The following TMEM164 variants were observed in gnomAD, a reference collection of about 807,000 sequenced individuals.
TMEM164 encodes transmembrane protein 164, also known as RP13-360B22.2.
In TMEM164, 4 loss-of-function variants were observed where a neutral mutation model predicts 18.8. The observed-to-expected ratio is 0.21, with a 90% CI of 0.10 to 0.49. The LOEUF (loss-of-function observed/expected upper bound fraction) is 0.49. Ranked by LOEUF, TMEM164 falls within the 20% of genes least tolerant of loss-of-function variation. TMEM164 has a pLI of 0.98. For synonymous variants in TMEM164, 86 were observed against 101.7 expected (o/e 0.85, Z 0.93); for missense variants, 108 against 239.9 (o/e 0.45, Z 3.63).
chrX:110,115,347 C>T (rs905952971), intron 4 of TMEM164, among the ~76,000 whole-genome samples: 5 of 111,944 alleles, frequency 4.5e-5, no homozygotes, highest in Non-Finnish European at 9.4e-5. Flanking sequence ...GTTCTTAAAG[C>T]GTACAAAGCT....
In TMEM164 at chrX:110,176,386, T is replaced by A. The variant is rs1461071696; in HGVS notation, c.*2935T>A. On this transcript the variant is annotated 3_prime_UTR_variant, in exon 7 of 7. Coordinates refer to ENST00000372068, the MANE Select transcript of TMEM164 (RefSeq NM_032227.4). ...GAGGCACAACAGTAACATGTTCCTC[T>A]GTCAGCCTGTGAAGGCATGCAGGGT... 21 of 754,889 alleles carry A rather than the reference T, an allele frequency of 2.8e-5. No individual in the cohort carries two copies. Among genetic ancestry groups the A allele is most frequent in the Non-Finnish European group, 3.3e-5 (21 of 639,339 alleles). The allele number at this position is 754,889 out of a possible 1,213,427, so 62.2% of individuals were successfully genotyped here.
intron 3 of TMEM164, among the ~76,000 whole-genome samples, chrX:110,068,722 C>A (rs763576076): frequency 9.0e-6 from 1 of 110,662 alleles, no homozygotes; most frequent in African/African-American, 3.3e-5. Flanking sequence ...GTGGTCCTTT[C>A]TTTTCCCTTT....
chrX:110,084,561 A>C (rs1261699921), intron 3 of TMEM164, among the ~76,000 whole-genome samples: 1 of 99,730 alleles, frequency 1.0e-5, no homozygotes, highest in Non-Finnish European at 2.0e-5. Context: ...GAATCGCTTG[A>C]ACCCAGGAGG....
chrX:110,178,900 A>G (rs764248994), downstream of TMEM164, among the ~76,000 whole-genome samples: 5 of 112,371 alleles, frequency 4.4e-5, no homozygotes, highest in African/African-American at 9.7e-5. Flanking sequence ...CCCAAAGCTC[A>G]CATGCTCTCC....
rs376390173 is a variant in TMEM164 at position 110,035,929 on chromosome X, G to T, written c.391-31418G>T. On this transcript the variant is annotated intron_variant, in intron 2 of 6. Coordinates refer to ENST00000372068, the MANE Select transcript of TMEM164 (RefSeq NM_032227.4). ...GGAGCTTAATATCTCTTTTTTTGTTGTTTTTTTTTAAAAAAGGTAGTGCTT... is the reference window on the plus strand; with the variant it reads ...GGAGCTTAATATCTCTTTTTTTGTTTTTTTTTTTTAAAAAAGGTAGTGCTT... Among the ~76,000 whole-genome samples, 5 of 108,533 alleles carry T rather than the reference G, an allele frequency of 4.6e-5. No homozygotes were observed. In the East Asian group the frequency reaches 1.1e-3, roughly 25 times the overall value. 94.2% of individuals were successfully genotyped at this position (108,533 alleles called of 115,157 possible). A position where few individuals can be genotyped will look rare whatever the true frequency, so the allele number is the denominator to read the frequency against.
intron 4 of TMEM164, among the ~76,000 whole-genome samples, chrX:110,129,209 C>G (rs1229697537): frequency 8.9e-6 from 1 of 112,452 alleles, no homozygotes; most frequent in Non-Finnish European, 1.9e-5. Flanking sequence ...TGGAGATAAC[C>G]TAGTTCCTTT....
chrX:110,150,208 TC>T (rs2066920524), intron 5 of TMEM164, among the ~76,000 whole-genome samples: 1 of 111,831 alleles, frequency 8.9e-6, no homozygotes. Flanking sequence ...TAAATAGAAA[TC>T]CAAAGGGTGA....
chrX:110,056,939 G>A (rs959966212), intron 2 of TMEM164, among the ~76,000 whole-genome samples: 3 of 75,129 alleles, frequency 4.0e-5, no homozygotes, highest in South Asian at 1.1e-3. Flanking sequence ...TCAACTTAAT[G>A]ATTATATATA....
rs752894821 is a variant in TMEM164 at position 110,095,656 on chromosome X, A to G, written c.441-13424A>G. 1.4e-4 allele frequency among the ~76,000 whole-genome samples: 16 copies of G among 111,752 alleles called. No homozygotes were observed. The East Asian group carries it at 4.5e-3, about 31-fold the overall frequency. ...CTTTAGCTTGGAGAAGTTTGTTATT[A>G]CCGATCGTCTGAAGCCTTCTGCTCT... On this transcript the variant is annotated intron_variant, in intron 3 of 6. Coordinates refer to ENST00000372068, the MANE Select transcript of TMEM164 (RefSeq NM_032227.4).
At chrX:110,125,735 A>G (rs773800680) in intron 4 of TMEM164, among the ~76,000 whole-genome samples, 3 of 112,549 alleles carry the variant, frequency 2.7e-5, no homozygotes, top group Non-Finnish European at 3.8e-5. Flanking sequence ...TTGTTCAGGA[A>G]TGGTCTTGCT....
At chrX:110,061,839 T>C (rs1245999358) in intron 2 of TMEM164, among the ~76,000 whole-genome samples, 1 of 110,945 alleles carries the variant, frequency 9.0e-6, no homozygotes, top group African/African-American at 3.3e-5. Flanking sequence ...CTGGAGAAAA[T>C]AGTTTAATTT....
intron 2 of TMEM164, among the ~76,000 whole-genome samples, chrX:110,056,869 CTT>C (rs1935860560): frequency 9.1e-6 from 1 of 109,793 alleles, no homozygotes; most frequent in South Asian, 3.9e-4. Context: ...GGTTATTTAT[CTT>C]TTTATTGTTG....
intron 4 of TMEM164, among the ~76,000 whole-genome samples, chrX:110,133,714 A>T (rs2066645064): frequency 1.8e-5 from 2 of 111,668 alleles, no homozygotes; most frequent in South Asian, 7.6e-4. Context: ...AGACTTAGTT[A>T]TGATATATCC....
At position 110,176,157 on chromosome X, in the gene TMEM164, A is replaced by G. The variant is rs1163517400; in HGVS notation, c.*2706A>G. ...GTAGAAGAGGGCAGTTTCCTTTCAA[A>G]TGGCCTTAGGAAGGGAAAAGAGTAC... On this transcript the variant is annotated 3_prime_UTR_variant, in exon 7 of 7. Transcript: ENST00000372068. The G allele has an allele frequency of 1.3e-6, 1 of 755,005 alleles. No individual in the cohort carries two copies. The highest frequency in any genetic ancestry group is 2.3e-5 in the African/African-American group (1 of 43,302). 62.2% of individuals were successfully genotyped at this position (755,005 alleles called of 1,213,427 possible). A position where few individuals can be genotyped will look rare whatever the true frequency, so the allele number is the denominator to read the frequency against.
chrX:110,007,439 A>G (rs1932779535), intron 2 of TMEM164, among the ~76,000 whole-genome samples: 1 of 112,476 alleles, frequency 8.9e-6, no homozygotes, highest in African/African-American at 3.2e-5. Context: ...CTTGCTAAAT[A>G]TCACTGGTGT....
At chrX:110,143,955 G>A (rs913406055) in intron 4 of TMEM164, among the ~76,000 whole-genome samples, 4 of 111,768 alleles carry the variant, frequency 3.6e-5, no homozygotes, top group African/African-American at 6.5e-5. Context: ...TTCTCTGCCC[G>A]CTGCGAAGCT....
chrX:110,115,647 C>T lies in TMEM164; in HGVS notation c.507+6501C>T, dbSNP rs777570136. ...ACCACAGATTTTTATTGAGCACTTTCCTGTGTTAAGTATCATGCCATGTGC... is the reference window on the plus strand; with the variant it reads ...ACCACAGATTTTTATTGAGCACTTTTCTGTGTTAAGTATCATGCCATGTGC... On this transcript the variant is annotated intron_variant, in intron 4 of 6. Transcript: ENST00000372068. 3.6e-3 allele frequency among the ~76,000 whole-genome samples: 403 copies of T among 112,182 alleles called. 1 individual carries two copies. The highest frequency in any genetic ancestry group is 5.4e-3 in the Non-Finnish European group (288 of 53,250).
At chrX:110,148,675 A>ATTTT (rs373500523) in intron 5 of TMEM164, among the ~76,000 whole-genome samples, 22 of 67,885 alleles carry the variant, frequency 3.2e-4, no homozygotes, top group African/African-American at 1.2e-3. Flanking sequence ...CACCCGGCTC[A>ATTTT]TTTTTTTTTT....
chrX:110,137,118 T>C lies in TMEM164; in HGVS notation c.508-7680T>C, dbSNP rs191783920. Among the ~76,000 whole-genome samples, 8 of 112,174 alleles carry C rather than the reference T, an allele frequency of 7.1e-5. No homozygotes were observed. In the East Asian group the frequency reaches 2.2e-3, roughly 31 times the overall value. On this transcript the variant is annotated intron_variant, in intron 4 of 6. Coordinates refer to ENST00000372068, the MANE Select transcript of TMEM164 (RefSeq NM_032227.4). ...GTGCATATTTTATAATTTACAGTTATACATGTATATCATTTGCCTTACTTT... is the reference window on the plus strand; with the variant it reads ...GTGCATATTTTATAATTTACAGTTACACATGTATATCATTTGCCTTACTTT...
Sources: allele counts gnomAD v4.1 joint callset (sites outside exome capture counted in the v4.1 genomes callset), GRCh38; gene constraint gnomAD v4.1.1; transcripts MANE v1.5; gene names NCBI Gene and HGNC (gene_info 2026-07-23, HGNC 2026-07-21).